Variants in PPARD observed in about 807,000 individuals in gnomAD.
PPARD encodes the protein peroxisome proliferator-activated receptor delta.
Under a neutral mutation model 39.5 loss-of-function variants are expected in PPARD, and 6 were observed. That is an observed-to-expected ratio of 0.15 (90% CI 0.08 to 0.30). PPARD has a LOEUF of 0.30. Among genes scored for constraint, PPARD ranks in the 10% least tolerant of loss-of-function variants. The probability of loss-of-function intolerance (pLI) is 1.00; values close to 1 mark genes in which losing one functional copy is unlikely to be tolerated. For missense variants in PPARD, 397 were observed against 596.8 expected, an observed-to-expected ratio of 0.67 and a Z score of 3.49; for synonymous variants, 210 against 231.3, an observed-to-expected ratio of 0.91 and a Z score of 0.83.
At chr6:35,421,320 GTT>G (rs1554213727) in intron 4 of PPARD, among the ~76,000 whole-genome samples, 2 of 23,734 alleles carry the variant, frequency 8.4e-5, no homozygotes, top group East Asian at 2.2e-3. Context: ...TTTTTTTTTT[GTT>G]TTGTTTTGTT....
At chr6:35,360,195 A>G (rs1371424140) in intron 2 of PPARD, among the ~76,000 whole-genome samples, 1 of 152,110 alleles carries the variant, frequency 6.6e-6, no homozygotes, top group African/African-American at 2.4e-5. Context: ...TAGAACCACA[A>G]GAGACTGGCC....
intron 2 of PPARD, among the ~76,000 whole-genome samples, chr6:35,379,812 G>A (rs759165170): frequency 1.3e-5 from 2 of 152,172 alleles, no homozygotes; most frequent in African/African-American, 4.8e-5. Context: ...CTGTTTCTGA[G>A]GAATAGCCCC....
chr6:35,417,391 T>C (rs1032327988), intron 3 of PPARD, among the ~76,000 whole-genome samples: 2 of 151,880 alleles, frequency 1.3e-5, no homozygotes, highest in Non-Finnish European at 2.9e-5. Flanking sequence ...GGCTCAAGGA[T>C]TTTCCTGCCT....
At chr6:35,403,016 T>A (rs933514039) in intron 2 of PPARD, among the ~76,000 whole-genome samples, 6 of 152,060 alleles carry the variant, frequency 3.9e-5, no homozygotes, top group Non-Finnish European at 8.8e-5. Context: ...CACCTGCATG[T>A]GGGGCGAGAA....
chr6:35,381,176 T>A (rs573568223), intron 2 of PPARD, among the ~76,000 whole-genome samples: 78 of 152,156 alleles, frequency 5.1e-4, no homozygotes, highest in Non-Finnish European at 6.2e-4. Flanking sequence ...CTCCTCCTCC[T>A]CCTTGAACTA....
intron 3 of PPARD, among the ~76,000 whole-genome samples, chr6:35,419,923 A>G (rs1473443410): frequency 6.6e-6 from 1 of 152,208 alleles, no homozygotes; most frequent in African/African-American, 2.4e-5. Flanking sequence ...TCTGGGAGAA[A>G]TGCTGTGGAG....
At chr6:35,365,729 GA>G (rs1762180470) in intron 2 of PPARD, among the ~76,000 whole-genome samples, 1 of 151,612 alleles carries the variant, frequency 6.6e-6, no homozygotes, top group African/African-American at 2.4e-5. Context: ...GATCTCAAAT[GA>G]TTTGCTCATC....
chr6:35,374,607 G>A (rs1182279301), intron 2 of PPARD, among the ~76,000 whole-genome samples: 1 of 149,630 alleles, frequency 6.7e-6, no homozygotes, highest in Non-Finnish European at 1.5e-5. Flanking sequence ...GCAGTGAGCT[G>A]AGATCGCGCC....
chr6:35,421,394 A>G (rs1181764005), intron 4 of PPARD, among the ~76,000 whole-genome samples: 1 of 151,114 alleles, frequency 6.6e-6, no homozygotes, highest in Non-Finnish European at 1.5e-5. Flanking sequence ...CTGGAGTGTA[A>G]TGGCGCGATC....
chr6:35,423,667 G>A (rs2150855430), intron 5 of PPARD, among the ~76,000 whole-genome samples: 1 of 152,106 alleles, frequency 6.6e-6, no homozygotes, highest in South Asian at 2.1e-4. Flanking sequence ...GCGTAGCTCA[G>A]TCACTCAGTA....
At chr6:35,407,616 A>G (rs186166383) in intron 2 of PPARD, among the ~76,000 whole-genome samples, 1 of 152,090 alleles carries the variant, frequency 6.6e-6, no homozygotes, top group Admixed American at 6.6e-5. Flanking sequence ...TATATAGGTA[A>G]CTAACCTGCA....
rs1762054133 is a variant in PPARD, at chr6:35,363,923, A to G, written c.-102+16773A>G. On this transcript the variant is annotated intron_variant, in intron 2 of 7. Coordinates refer to ENST00000360694, the MANE Select transcript of PPARD (RefSeq NM_006238.5). This position sits in a 1 kb window ranked among gnomAD's most constrained non-coding sequence, Gnocchi z 4.5. ...ATATTAACTGTGTTTTATATATTAT[A>G]TTAAATTAATATATTTATATATTAT... 6.7e-6 allele frequency among the ~76,000 whole-genome samples: 1 copy of G among 149,834 alleles called. No homozygotes were observed.
intron 2 of PPARD, among the ~76,000 whole-genome samples, chr6:35,385,952 G>T (rs1415182785): frequency 1.3e-5 from 2 of 152,124 alleles, no homozygotes; most frequent in Non-Finnish European, 2.9e-5. Context: ...TCAAGGGCGG[G>T]TGAGGGAAGA....
At position 35,410,948 on chromosome 6, in the gene PPARD, T is replaced by C. The variant is rs578046712; in HGVS notation, c.-101-39T>C. On this transcript the variant is annotated intron_variant, in intron 2 of 7. Coordinates refer to ENST00000360694, the MANE Select transcript of PPARD (RefSeq NM_006238.5). Reference sequence around the variant, plus strand: ...CTCGCACCATCCTCTTCCTTGTCACTGCCTCCCCTGACCTCTTCCTGTCTT... The same window carrying C: ...CTCGCACCATCCTCTTCCTTGTCACCGCCTCCCCTGACCTCTTCCTGTCTT... 4.3e-5 allele frequency: 54 copies of C among 1,258,558 alleles called. No homozygotes were observed. In the South Asian group the frequency reaches 1.7e-3, roughly 41 times the overall value. The allele number at this position is 1,258,558 out of a possible 1,614,324, so 78.0% of individuals were successfully genotyped here.
At chr6:35,384,846 C>A (rs1264066524) in intron 2 of PPARD, among the ~76,000 whole-genome samples, 1 of 72,280 alleles carries the variant, frequency 1.4e-5, no homozygotes, top group Non-Finnish European at 2.7e-5. Context: ...GGGGGGTCAG[C>A]CCCCCGCCTG....
intron 3 of PPARD, among the ~76,000 whole-genome samples, chr6:35,414,479 G>A (rs1765623971): frequency 6.6e-6 from 1 of 152,072 alleles, no homozygotes; most frequent in Non-Finnish European, 1.5e-5. Context: ...GCAGGTGAGG[G>A]GCCCTGGAGA....
intron 2 of PPARD, among the ~76,000 whole-genome samples, chr6:35,378,402 A>G (rs1762943259): frequency 6.6e-6 from 1 of 152,170 alleles, no homozygotes; most frequent in Non-Finnish European, 1.5e-5. Context: ...GTTGATGGAA[A>G]TGTGAATCAG....
At position 35,401,703 on chromosome 6, in the gene PPARD, C is replaced by A; in HGVS notation, c.-101-9284C>A. ...TGGCCACTCGCACCTGACTCATGTGCTCTGAGTGCCACACCTTGCTTGGCA... is the reference window on the plus strand; with the variant it reads ...TGGCCACTCGCACCTGACTCATGTGATCTGAGTGCCACACCTTGCTTGGCA... On this transcript the variant is annotated intron_variant, in intron 2 of 7. Coordinates refer to ENST00000360694, the MANE Select transcript of PPARD (RefSeq NM_006238.5). This position sits in a 1 kb window ranked among gnomAD's most constrained non-coding sequence, Gnocchi z 4.1. Among the ~76,000 whole-genome samples, 1 of 152,228 alleles carries A rather than the reference C, an allele frequency of 6.6e-6. No individual in the cohort carries two copies. Among genetic ancestry groups the A allele is most frequent in the East Asian group, 1.9e-4 (1 of 5,196 alleles).
intron 2 of PPARD, among the ~76,000 whole-genome samples, chr6:35,379,261 G>T (rs530084653): frequency 1.3e-5 from 2 of 151,832 alleles, no homozygotes; most frequent in East Asian, 1.9e-4. Flanking sequence ...CCGCCACCAC[G>T]CTCGGCTAAT....
Sources: allele counts gnomAD v4.1 joint callset (sites outside exome capture counted in the v4.1 genomes callset), GRCh38; gene constraint gnomAD v4.1.1; non-coding constraint Gnocchi (gnomAD v3.1); transcripts MANE v1.5; gene names NCBI Gene and HGNC (gene_info 2026-07-23, HGNC 2026-07-21).